The following DALRD3 variants were observed in gnomAD, a reference collection of about 807,000 sequenced individuals.
DALRD3 encodes DALR anticodon-binding domain-containing protein 3.
DALRD3 carries 47 observed loss-of-function variants against 56.7 expected under a neutral mutation model. That is an observed-to-expected ratio of 0.83 (90% CI 0.66 to 1.06). The LOEUF is 1.06. Among genes scored for constraint, DALRD3 ranks in the 50% least tolerant of loss-of-function variants. The probability of loss-of-function intolerance (pLI) is 0.00; values close to 1 mark genes in which losing one functional copy is unlikely to be tolerated. For synonymous variants in DALRD3, 347 were observed against 308.5 expected (o/e 1.12, Z -1.31); for missense variants, 787 against 724.0 (o/e 1.09, Z -1.00).
At chr3:49,016,888 C>A (rs1326272188) in intron 5 of DALRD3, 41 bp from the exon 6 acceptor site, 2 of 1,612,276 alleles carry the variant, frequency 1.2e-6, no homozygotes, top group Non-Finnish European at 1.7e-6. Context: ...GTTGGCGCTA[C>A]TCTCCAGGAA....
Position 49,017,490 on chromosome 3 carries a change from G to A in DALRD3, c.742C>T (p.Leu248=), listed in dbSNP as rs1311099313. ...CLVTEDLLSV[L]AELQEALWHW... ...CATAGAGCCTCTTGCAGCTCAGCCA[G>A]CACAGAGAGGAGATCCTCAGTCACT... The change falls in exon 4 of 12, where the codon CTG becomes TTG. Residue 248 remains leucine, a synonymous_variant. Coordinates refer to ENST00000341949, the MANE Select transcript of DALRD3 (RefSeq NM_001009996.3). The A allele has an allele frequency of 1.9e-6, 3 of 1,614,144 alleles. No individual in the cohort carries two copies. Among genetic ancestry groups the A allele is most frequent in the Non-Finnish European group, 2.5e-6 (3 of 1,180,044 alleles).
upstream of DALRD3, among the ~76,000 whole-genome samples, chr3:49,019,770 C>T (rs2093136268): frequency 6.6e-6 from 1 of 152,206 alleles, no homozygotes; most frequent in Non-Finnish European, 1.5e-5. Flanking sequence ...CCACCGCGCC[C>T]GGCTCAGAAT....
upstream of DALRD3, among the ~76,000 whole-genome samples, chr3:49,019,435 C>A (rs1444671787): frequency 6.6e-6 from 1 of 151,594 alleles, no homozygotes; most frequent in Non-Finnish European, 1.5e-5. Flanking sequence ...TCTCTTGATA[C>A]CTGAGAAATC....
At chr3:49,020,737 C>G (rs942698826), upstream of DALRD3, 1 of 467,378 alleles carries the variant, frequency 2.1e-6, no homozygotes, top group African/African-American at 2.0e-5. Flanking sequence ...AGCTCCTGCC[C>G]CCAGGTCACT....
upstream of DALRD3, chr3:49,020,847 TG>T (rs1365223227): frequency 9.0e-6 from 3 of 332,688 alleles, no homozygotes; most frequent in African/African-American, 6.5e-5. Flanking sequence ...GACGCTCACC[TG>T]GGCCACAGAA....
Position 49,016,104 on chromosome 3 carries a change from G to C in DALRD3, c.1330-18C>G, listed in dbSNP as rs1362699662. 11 of 1,608,156 alleles carry C rather than the reference G, an allele frequency of 6.8e-6. No homozygotes were observed. Among genetic ancestry groups the C allele is most frequent in the Non-Finnish European group, 9.4e-6 (11 of 1,175,590 alleles). On this transcript the variant is annotated intron_variant, in intron 9 of 11. Coordinates refer to ENST00000341949, the MANE Select transcript of DALRD3 (RefSeq NM_001009996.3). Reference sequence around the variant, plus strand: ...CACTCACCCTGTTGGGGAGAAAGGTGCTGGGAGGGGAAGTCCAGGCCTCCT... The same window carrying C: ...CACTCACCCTGTTGGGGAGAAAGGTCCTGGGAGGGGAAGTCCAGGCCTCCT...
Position 49,015,568 on chromosome 3 carries a change from G to T in DALRD3, c.*20C>A. On this transcript the variant is annotated 3_prime_UTR_variant, in exon 12 of 12. Transcript: ENST00000341949. ...TTGATGACTTTGTGAACATTCCCAG[G>T]TATTGGAGCCTCTGTGGCCTTAAAT... 1 of 1,613,204 alleles carries T rather than the reference G, an allele frequency of 6.2e-7. No individual in the cohort carries two copies. The highest frequency in any genetic ancestry group is 8.5e-7 in the Non-Finnish European group (1 of 1,179,644).
Position 49,018,276 on chromosome 3 carries a change from G to T in DALRD3, c.208C>A (p.Pro70Thr). The T allele has an allele frequency of 1.4e-6, 2 of 1,446,008 alleles. No individual in the cohort carries two copies. Among genetic ancestry groups the T allele is most frequent in the Non-Finnish European group, 1.8e-6 (2 of 1,107,702 alleles). The allele number at this position is 1,446,008 out of a possible 1,614,324, so 89.6% of individuals were successfully genotyped here. ...CAGCGCAGCACCGGGGCCACACCGG[G>T]GCCCTGCAGGCAGGCGAGGGCATGG... ...LLHALACLQG[P>T]GVAPVLRCAP... Residue 70 changes from proline (P) to threonine (T), a missense_variant, in exon 2 of 12, where the codon CCC becomes ACC. By Grantham distance (38) the Pro-to-Thr change is conservative. Coordinates refer to ENST00000341949, the MANE Select transcript of DALRD3 (RefSeq NM_001009996.3).
rs768623169 is a variant in DALRD3 at position 49,016,505 on chromosome 3, G to C, written c.1070C>G (p.Ala357Gly). The stretch of plus-strand genomic sequence containing the variant: ...GAGAACACCAAAGATCTCTGTCCAG[G>C]CTGGGTCTGAGGGAGTATAGGGTTG... Reference protein sequence around the residue: ...KHGGDLAQDPAWTEIFGVLSV... With the variant: ...KHGGDLAQDPGWTEIFGVLSV... Residue 357 changes from alanine to glycine, a missense_variant, in exon 8 of 12, where the codon GCC becomes GGC. Physicochemically the swap from Ala to Gly is moderately conservative, Grantham distance 60. Transcript: ENST00000341949. 15 of 1,613,774 alleles carry C rather than the reference G, an allele frequency of 9.3e-6. No individual in the cohort carries two copies. Among genetic ancestry groups the C allele is most frequent in the African/African-American group, 1.3e-5 (1 of 74,888 alleles).
rs2093083357 is a variant in DALRD3, at chr3:49,016,795, A to G, written c.980T>C (p.Met327Thr). The change falls in exon 6 of 12, where the codon ATG (methionine) becomes ACG (threonine). Residue 327 changes from methionine (M) to threonine (T), a missense_variant. Coordinates refer to ENST00000341949, the MANE Select transcript of DALRD3 (RefSeq NM_001009996.3). ...TCACTCGTAGTACTCAGGGGCAGTC[A>G]TCAGAGTGCCAGGTGCACCAGCTAC... ...VKVAGAPGTLMTAPEYYEFRH... is the reference protein window; with the variant it reads ...VKVAGAPGTLTTAPEYYEFRH... 1 of 1,614,216 alleles carries G rather than the reference A, an allele frequency of 6.2e-7. No individual in the cohort carries two copies. The highest frequency in any genetic ancestry group is 8.5e-7 in the Non-Finnish European group (1 of 1,180,032).
chr3:49,015,618 C>T lies in DALRD3; in HGVS notation c.1602G>A (p.Met534Ile). ...TGTGGCTCAGTGGAGGGAGACCCAGCATAGCCAGGCCAGTATGGAGCACCT... is the reference window on the plus strand; with the variant it reads ...TGTGGCTCAGTGGAGGGAGACCCAGTATAGCCAGGCCAGTATGGAGCACCT... ...VREVLHTGLA[M>I]LGLPPLSHI The change falls in exon 12 of 12, where the codon ATG becomes ATA. Residue 534 changes from methionine (M) to isoleucine (I), a missense_variant. Physicochemically the swap from Met to Ile is conservative, Grantham distance 10 (BLOSUM62 1). Transcript: ENST00000341949. The T allele has an allele frequency of 6.2e-7, 1 of 1,614,142 alleles. No homozygotes were observed. Among genetic ancestry groups the T allele is most frequent in the Non-Finnish European group, 8.5e-7 (1 of 1,180,030 alleles).
At chr3:49,015,905 C>CTT in intron 10 of DALRD3, 33 bp from the exon 11 acceptor site, 2 of 1,614,202 alleles carry the variant, frequency 1.2e-6, no homozygotes, top group Non-Finnish European at 1.7e-6. Context: ...TGGCCCATCT[C>CTT]TTTGCTCTTG....
In DALRD3 at chr3:49,016,330, G is replaced by A. The variant is rs2093069379; in HGVS notation, c.1157C>T (p.Ala386Val). The A allele has an allele frequency of 1.9e-6, 3 of 1,607,462 alleles. No homozygotes were observed. The highest frequency in any genetic ancestry group is 1.3e-5 in the African/African-American group (1 of 74,826). Reference protein sequence around the residue: ...STAPQSQLFLALADSSISTKG... With the variant: ...STAPQSQLFLVLADSSISTKG... ...CGTGGAGATACTGCTGTCAGCCAGA[G>A]CCAGGAAGAGCTGGGGAATAGAAGC... Residue 386 changes from alanine to valine, a missense_variant, in exon 9 of 12, where the codon GCT (alanine) becomes GTT (valine). By Grantham distance (64) the Ala-to-Val change is moderately conservative. Transcript: ENST00000341949.
upstream of DALRD3, among the ~76,000 whole-genome samples, chr3:49,019,713 G>C (rs528173631): frequency 2.0e-5 from 3 of 152,150 alleles, no homozygotes; most frequent in Non-Finnish European, 4.4e-5. Flanking sequence ...GACCTCAGGT[G>C]ATCCGCCTGC....
At position 49,017,703 on chromosome 3, in the gene DALRD3, G is replaced by A; in HGVS notation, c.628C>T (p.Pro210Ser). Reference sequence around the variant, plus strand: ...AGACACAGTCTGCCTAGGATGCCAGGGGACAGTGTCCTCCCGTCATTAGCA... The same window carrying A: ...AGACACAGTCTGCCTAGGATGCCAGAGGACAGTGTCCTCCCGTCATTAGCA... ...TSANDGRTLS[P>S]GILGRLCLKE... is the part of the protein sequence containing the mutation. The change falls in exon 3 of 12, where the codon CCT (proline) becomes TCT (serine). Residue 210 changes from proline (P) to serine (S), a missense_variant. Pro to Ser is a moderately conservative substitution (Grantham distance 74). Coordinates refer to ENST00000341949, the MANE Select transcript of DALRD3 (RefSeq NM_001009996.3). 2 of 1,614,168 alleles carry A rather than the reference G, an allele frequency of 1.2e-6. No homozygotes were observed. The highest frequency in any genetic ancestry group is 1.3e-5 in the African/African-American group (1 of 75,068).
upstream of DALRD3, among the ~76,000 whole-genome samples, chr3:49,019,807 A>T (rs2093136577): frequency 6.6e-6 from 1 of 152,140 alleles, no homozygotes; most frequent in Admixed American, 6.5e-5. Context: ...GACTCCTTTA[A>T]CCTGGTGTGC....
intron 3 of DALRD3, 23 bp from the exon 4 acceptor site, chr3:49,017,536 C>A: frequency 6.2e-7 from 1 of 1,614,194 alleles, no homozygotes; most frequent in Non-Finnish European, 8.5e-7. Flanking sequence ...CAGACAGGTG[C>A]TGAGACTGAC....
At position 49,016,174 on chromosome 3, in the gene DALRD3, G is replaced by A; in HGVS notation, c.1313C>T (p.Ser438Leu). The A allele has an allele frequency of 6.2e-7, 1 of 1,614,086 alleles. No individual in the cohort carries two copies. The highest frequency in any genetic ancestry group is 8.5e-7 in the Non-Finnish European group (1 of 1,179,962). The part of the protein sequence containing the change: ...TFPPVSSLDF[S>L]LLHDEGEWLL... ...GACACTCACCTCATCATGTAGCAGT[G>A]AGAAGTCCAGACTGCTCACAGGAGG... Residue 438 changes from serine (S) to leucine (L), a missense_variant, in exon 9 of 12, where the codon TCA becomes TTA. Transcript: ENST00000341949.
In DALRD3 at chr3:49,016,438, T is replaced by G; in HGVS notation, c.1137A>C (p.Pro379=). The G allele has an allele frequency of 1.6e-5, 26 of 1,613,594 alleles. No homozygotes were observed. Among genetic ancestry groups the G allele is most frequent in the Non-Finnish European group, 2.1e-5 (25 of 1,179,768 alleles). Residue 379 remains proline, a synonymous_variant, in exon 8 of 12, where the codon CCA becomes CCC. Transcript: ENST00000341949. ...TIKFEMLSTA[P]QSQLFLALAD... ...AGGCTCCCAGGCTCACCTGACTCTG[T>G]GGGGCTGTGCTCAGCATCTCAAACT...
Sources: gnomAD v4.1 joint callset for allele counts (sites outside exome capture counted in the v4.1 genomes callset) on GRCh38, gnomAD v4.1.1 for gene constraint, MANE v1.5 for transcripts, NCBI Gene and HGNC (gene_info 2026-07-23, HGNC 2026-07-21) for gene names.